MTREX: variants seen among roughly 807,000 people sequenced by gnomAD.
MTREX encodes the protein Mtr4 exosome RNA helicase, also known as exosome RNA helicase MTR4.
Under a neutral mutation model 135.4 loss-of-function variants are expected in MTREX, and 76 were observed. That is an observed-to-expected ratio of 0.56 (90% confidence interval 0.47 to 0.68). The LOEUF is 0.68. MTREX is among the 30% of genes least tolerant of loss of function. The pLI is 0.00. For missense variants in MTREX, 920 were observed against 1,262.1 expected (o/e 0.73, Z 4.11); for synonymous variants, 404 against 401.6 (o/e 1.01, Z -0.07).
chr5:55,327,320 GTC>G (rs1214565983), intron 3 of MTREX, among the ~76,000 whole-genome samples: 1 of 152,096 alleles, frequency 6.6e-6, no homozygotes, highest in Non-Finnish European at 1.5e-5. Flanking sequence ...TATTTCTAGA[GTC>G]TCTTTTTTTC....
intron 1 of MTREX, among the ~76,000 whole-genome samples, chr5:55,317,171 T>G (rs1426499234): frequency 6.6e-6 from 1 of 152,146 alleles, no homozygotes; most frequent in Non-Finnish European, 1.5e-5. Context: ...CACCCCATGC[T>G]CATGAATAGG....
rs149100008 is a variant in MTREX at position 55,359,442 on chromosome 5, T to C, written c.1659+744T>C. Among the ~76,000 whole-genome samples the C allele has an allele frequency of 1.3e-3, 205 of 152,296 alleles. 2 individuals are homozygous for C. The Middle Eastern group carries it at 0.024, about 18-fold the overall frequency. On this transcript the variant is annotated intron_variant, in intron 15 of 26. Coordinates refer to ENST00000230640, the MANE Select transcript of MTREX (RefSeq NM_015360.5). Reference sequence around the variant, plus strand: ...TTAGGTCAGTATCTATGAAACAGATTGTGTGTCTAACTTTTTAGACTTGGG... The same window carrying C: ...TTAGGTCAGTATCTATGAAACAGATCGTGTGTCTAACTTTTTAGACTTGGG...
intron 18 of MTREX, among the ~76,000 whole-genome samples, chr5:55,381,438 C>T (rs1168448552): frequency 6.6e-6 from 1 of 152,082 alleles, no homozygotes; most frequent in African/African-American, 2.4e-5. Context: ...TAGCTGTATT[C>T]CATAAATTTT....
chr5:55,324,217 C>T lies in MTREX; in HGVS notation c.339+19C>T. 2 of 1,579,238 alleles carry T rather than the reference C, an allele frequency of 1.3e-6. No individual in the cohort carries two copies. The highest frequency in any genetic ancestry group is 2.2e-5 in the South Asian group (2 of 89,162). ...ACATGAGGTAAGCACAAACAGCATA[C>T]AGAAGGTTAGTGTTACAAATGGGAT... is the stretch of plus-strand genomic sequence containing the variant. On this transcript the variant is annotated intron_variant, in intron 3 of 26. Transcript: ENST00000230640.
At chr5:55,408,338 C>A (rs1005305762) in intron 22 of MTREX, among the ~76,000 whole-genome samples, 1 of 152,094 alleles carries the variant, frequency 6.6e-6, no homozygotes. Flanking sequence ...TTGTATAAAT[C>A]AATTATTAGA....
At chr5:55,320,153 G>A (rs925207853) in intron 1 of MTREX, among the ~76,000 whole-genome samples, 4 of 151,904 alleles carry the variant, frequency 2.6e-5, no homozygotes, top group African/African-American at 9.7e-5. Context: ...ATCAGAGAAT[G>A]GACTTCATTA....
chr5:55,339,096 C>A lies in MTREX; in HGVS notation c.516-914C>A, dbSNP rs927924344. Among the ~76,000 whole-genome samples the A allele has an allele frequency of 6.6e-5, 10 of 152,052 alleles. 1 individual carries two copies. Among genetic ancestry groups the A allele is most frequent in the African/African-American group, 2.4e-4 (10 of 41,420 alleles). On this transcript the variant is annotated intron_variant, in intron 5 of 26. Transcript: ENST00000230640. ...TGTGAGCCACTGCGCCCGGCCTAAT[C>A]TGTAGACTTTCCATTTGATTATGTT...
At chr5:55,380,102 A>AT (rs963120130) in intron 18 of MTREX, among the ~76,000 whole-genome samples, 2,428 of 145,592 alleles carry the variant, frequency 0.017, 19 homozygotes, top group African/African-American at 0.022. Flanking sequence ...AGCCCAGCTA[A>AT]TTTTTTTTTT....
In MTREX at chr5:55,387,967, T is replaced by C. The variant is rs1451060354; in HGVS notation, c.2053-7T>C. On this transcript the variant is annotated splice_polypyrimidine_tract_variant and splice_region_variant and intron_variant, in intron 18 of 26. Transcript: ENST00000230640. The stretch of plus-strand genomic sequence containing the variant: ...AATGAATGAACATCTTCTGTTTTGT[T>C]TTTTAGCCTAACTCTGGTGAACTGG... 1 of 1,575,190 alleles carries C rather than the reference T, an allele frequency of 6.3e-7. No individual in the cohort carries two copies. Among genetic ancestry groups the C allele is most frequent in the Non-Finnish European group, 8.7e-7 (1 of 1,153,460 alleles).
chr5:55,394,166 T>A, intron 19 of MTREX, among the ~76,000 whole-genome samples: 1 of 152,252 alleles, frequency 6.6e-6, no homozygotes, highest in Non-Finnish European at 1.5e-5. Flanking sequence ...ATAAAAATAC[T>A]CTTTCTAAAG....
chr5:55,409,345 C>T (rs947456837), intron 22 of MTREX, among the ~76,000 whole-genome samples: 2 of 152,110 alleles, frequency 1.3e-5, no homozygotes, highest in African/African-American at 4.8e-5. Flanking sequence ...GAACCTGGAC[C>T]ATCTCATTTT....
chr5:55,324,424 CTTTTTTTTTTTTTTTTTTT>C (rs10592726), intron 3 of MTREX: 48 of 17,014 alleles, frequency 2.8e-3, no homozygotes, highest in South Asian at 5.2e-3. Context: ...CTTATTTTAA[CTTTTTTTTTTTTTTTTTTT>C]TTTTTTTTTT....
At chr5:55,366,409 G>A (rs1005946164) in intron 15 of MTREX, among the ~76,000 whole-genome samples, 2 of 152,134 alleles carry the variant, frequency 1.3e-5, no homozygotes, top group Non-Finnish European at 2.9e-5. Context: ...AGGGTTGCTC[G>A]AGCCCAAGAT....
chr5:55,332,884 A>G (rs1052654971), intron 5 of MTREX, among the ~76,000 whole-genome samples: 3 of 152,188 alleles, frequency 2.0e-5, no homozygotes, highest in African/African-American at 7.2e-5. Context: ...AGGTTATCTT[A>G]TCTATTATTA....
chr5:55,372,185 T>C lies in MTREX; in HGVS notation c.1810+5310T>C, dbSNP rs542984384. Among the ~76,000 whole-genome samples, 3 of 152,276 alleles carry C rather than the reference T, an allele frequency of 2.0e-5. No individual in the cohort carries two copies. In the East Asian group the frequency reaches 5.8e-4, roughly 29 times the overall value. On this transcript the variant is annotated intron_variant, in intron 16 of 26. Transcript: ENST00000230640. ...CTCTTAATGACTTTAGTCTGTCAAA[T>C]ATTCTTTTATAGGGTTTAATTTTTT...
intron 1 of MTREX, among the ~76,000 whole-genome samples, chr5:55,319,306 T>C (rs1749249849): frequency 6.6e-6 from 1 of 152,240 alleles, no homozygotes; most frequent in African/African-American, 2.4e-5. Context: ...AGAAAATAAT[T>C]CTATATAGGA....
intron 5 of MTREX, among the ~76,000 whole-genome samples, chr5:55,330,683 C>G (rs1414134402): frequency 1.4e-5 from 2 of 146,854 alleles, no homozygotes; most frequent in African/African-American, 5.0e-5. Flanking sequence ...TCCCATGTTT[C>G]TTATACTTGA....
chr5:55,349,609 A>G lies in MTREX; in HGVS notation c.1277A>G (p.Asn426Ser). The change falls in exon 12 of 27, where the codon AAT becomes AGT. Residue 426 changes from asparagine (N) to serine (S), a missense_variant. Transcript: ENST00000230640. ...AAGATGGTTGAAGAAGTATTCAGTAATGCAATTGATTGCTTATCCGATGAA... is the reference window on the plus strand; with the variant it reads ...AAGATGGTTGAAGAAGTATTCAGTAGTGCAATTGATTGCTTATCCGATGAA... Reference protein sequence around the residue: ...EKKMVEEVFSNAIDCLSDEDK... With the variant: ...EKKMVEEVFSSAIDCLSDEDK... 6.2e-7 allele frequency: 1 copy of G among 1,605,562 alleles called. No homozygotes were observed. Among genetic ancestry groups the G allele is most frequent in the Non-Finnish European group, 8.5e-7 (1 of 1,172,512 alleles).
chr5:55,346,182 C>G (rs1412910283), intron 10 of MTREX, among the ~76,000 whole-genome samples: 5 of 152,092 alleles, frequency 3.3e-5, no homozygotes, highest in Non-Finnish European at 5.9e-5. Flanking sequence ...TGGATATGTA[C>G]CTAGGAGTGG....
Sources: allele counts gnomAD v4.1 joint callset (sites outside exome capture counted in the v4.1 genomes callset), GRCh38; gene constraint gnomAD v4.1.1; transcripts MANE v1.5; gene names NCBI Gene and HGNC (gene_info 2026-07-23, HGNC 2026-07-21).